Variants in SETD5 observed in about 807,000 individuals in gnomAD.
SETD5 encodes SET domain containing 5.
SETD5 carries 44 observed loss-of-function variants against 153.3 expected under a neutral mutation model. The observed-to-expected ratio is 0.29, with a 90% CI of 0.23 to 0.37. SETD5 has a LOEUF of 0.37. Among genes scored for constraint, SETD5 ranks in the 10% least tolerant of loss-of-function variants. SETD5 has a pLI of 1.00. For missense variants in SETD5, 1,544 were observed against 1,768.0 expected (o/e 0.87, Z 2.27); for synonymous variants, 716 against 645.2 (o/e 1.11, Z -1.66).
rs1489345857 is a variant in SETD5, at chr3:9,448,017, A to G, written c.2103+11A>G. The G allele has an allele frequency of 1.2e-6, 2 of 1,607,592 alleles. No homozygotes were observed. Among genetic ancestry groups the G allele is most frequent in the African/African-American group, 1.3e-5 (1 of 74,794 alleles). On this transcript the variant is annotated intron_variant, in intron 15 of 22. Coordinates refer to ENST00000402198, the MANE Select transcript of SETD5 (RefSeq NM_001080517.3). ...CCCAAAACCAAAAAGGTAAGTCACAAATGCATCCTTTATAAGTCCAGTCTG... is the reference window on the plus strand; with the variant it reads ...CCCAAAACCAAAAAGGTAAGTCACAGATGCATCCTTTATAAGTCCAGTCTG...
intron 15 of SETD5, 100 bp from the exon 16 acceptor site, chr3:9,448,279 ACTGCAGCTG>A (rs1345289076): frequency 2.7e-6 from 4 of 1,462,128 alleles, no homozygotes; most frequent in Non-Finnish European, 3.6e-6. Context: ...ATTCATTCTT[ACTGCAGCTG>A]CTGCATCTCC....
At chr3:9,451,375 A>C (rs1014937107) in intron 16 of SETD5, among the ~76,000 whole-genome samples, 1 of 152,162 alleles carries the variant, frequency 6.6e-6, no homozygotes, top group Non-Finnish European at 1.5e-5. Flanking sequence ...TATATCCAGA[A>C]GCTTTGTCTC....
intron 11 of SETD5, among the ~76,000 whole-genome samples, chr3:9,444,528 G>A (rs2041696483): frequency 6.6e-6 from 1 of 150,958 alleles, no homozygotes; most frequent in Non-Finnish European, 1.5e-5. Context: ...TGAATTTAGG[G>A]AGGGCTTTCT....
At chr3:9,417,129 A>G (rs186587792) in intron 1 of SETD5, among the ~76,000 whole-genome samples, 5 of 152,318 alleles carry the variant, frequency 3.3e-5, no homozygotes, top group Admixed American at 3.3e-4. Context: ...ATAGTAACCA[A>G]AGTTATGCTC....
chr3:9,457,846 C>T (rs1360710826), intron 17 of SETD5, among the ~76,000 whole-genome samples: 1 of 147,454 alleles, frequency 6.8e-6, no homozygotes, highest in Non-Finnish European at 1.5e-5. Context: ...CTCTTTCTCT[C>T]TGTCTTTATA....
Position 9,475,523 on chromosome 3 carries a change from T to G in SETD5, c.3761T>G (p.Leu1254Arg). The G allele has an allele frequency of 6.2e-7, 1 of 1,613,756 alleles. No homozygotes were observed. The highest frequency in any genetic ancestry group is 1.1e-5 in the South Asian group (1 of 91,086). The part of the protein sequence containing the change: ...CDSPRTESQS[L>R]LQQSSSPFRG... ...AGTCCTCGGACAGAATCACAAAGCCTCCTTCAGCAGAGTTCCTCCCCCTTC... is the reference window on the plus strand; with the variant it reads ...AGTCCTCGGACAGAATCACAAAGCCGCCTTCAGCAGAGTTCCTCCCCCTTC... Residue 1254 changes from leucine (L) to arginine (R), a missense_variant, in exon 23 of 23, where the codon CTC (leucine) becomes CGC (arginine). Around this residue, in one of 9 missense-constraint regions of SETD5, gnomAD observed 302 missense variants for 277.6 expected, o/e 1.09. Transcript: ENST00000402198.
chr3:9,409,792 C>G (rs1042302017), intron 1 of SETD5, among the ~76,000 whole-genome samples: 2 of 152,188 alleles, frequency 1.3e-5, no homozygotes, highest in African/African-American at 4.8e-5. Flanking sequence ...TTAAAAGCTG[C>G]ATTTCAAACT....
chr3:9,440,332 C>G, intron 7 of SETD5, 124 bp from the exon 8 acceptor site: 5 of 634,348 alleles, frequency 7.9e-6, no homozygotes, highest in South Asian at 7.7e-5. Flanking sequence ...GTCCATTACT[C>G]TTTTATGCCA....
In SETD5 at chr3:9,442,210, C is replaced by T. The variant is rs1553621798; in HGVS notation, c.1042C>T (p.Arg348Trp). The change falls in exon 10 of 23, where the codon CGG becomes TGG. Residue 348 changes from arginine to tryptophan, a missense_variant. Coordinates refer to ENST00000402198, the MANE Select transcript of SETD5 (RefSeq NM_001080517.3). ...TGCCCGTACTTTCGGTAATGATGCT[C>T]GGTTCATCAGAAGATCATGTACACC... Reference protein sequence around the residue: ...VDARTFGNDARFIRRSCTPNA... With the variant: ...VDARTFGNDAWFIRRSCTPNA... The T allele has an allele frequency of 6.2e-7, 1 of 1,612,936 alleles. No individual in the cohort carries two copies. The highest frequency in any genetic ancestry group is 8.5e-7 in the Non-Finnish European group (1 of 1,179,690).
intron 1 of SETD5, among the ~76,000 whole-genome samples, chr3:9,402,981 G>A (rs892291512): frequency 6.6e-6 from 1 of 152,118 alleles, no homozygotes; most frequent in Non-Finnish European, 1.5e-5. Flanking sequence ...GCCTCCAGTA[G>A]GCCTGTCAAT....
chr3:9,426,348 C>T (rs1378383169), intron 2 of SETD5, among the ~76,000 whole-genome samples: 1 of 149,744 alleles, frequency 6.7e-6, no homozygotes, highest in Non-Finnish European at 1.5e-5. Context: ...AATCCTCCCA[C>T]CTCAGCCTCT....
At chr3:9,448,038 G>T (rs758318233) in intron 15 of SETD5, 32 bp downstream of exon 15, 20 of 1,586,468 alleles carry the variant, frequency 1.3e-5, no homozygotes, top group Non-Finnish European at 1.6e-5. Context: ...TATAAGTCCA[G>T]TCTGGCAAGG....
chr3:9,456,974 CAAAAA>C (rs2043328119), intron 17 of SETD5, among the ~76,000 whole-genome samples: 3 of 147,024 alleles, frequency 2.0e-5, no homozygotes, highest in African/African-American at 7.6e-5. Context: ...GACTCCGTCT[CAAAAA>C]GAAAGAAAGA....
At chr3:9,443,847 C>T (rs1334032730) in intron 11 of SETD5, among the ~76,000 whole-genome samples, 3 of 152,134 alleles carry the variant, frequency 2.0e-5, no homozygotes, top group South Asian at 2.1e-4. Flanking sequence ...GGGCGGATCA[C>T]GAGGTCAGGA....
At chr3:9,431,826 C>T in intron 3 of SETD5, 1 of 631,698 alleles carries the variant, frequency 1.6e-6, no homozygotes. Context: ...TTTTCCTGTC[C>T]CCCTCCCACC....
intron 17 of SETD5, among the ~76,000 whole-genome samples, chr3:9,454,939 A>G (rs984731491): frequency 5.3e-5 from 8 of 152,114 alleles, no homozygotes; most frequent in African/African-American, 1.4e-4. Flanking sequence ...GCAACCTTTC[A>G]GGTTGCAACA....
intron 1 of SETD5, chr3:9,398,517 A>T (rs1419028278): frequency 2.0e-5 from 3 of 151,962 alleles, no homozygotes; most frequent in Non-Finnish European, 2.9e-5. Flanking sequence ...TCCCAAAGGC[A>T]TTACCTTCGC....
At chr3:9,411,671 C>G (rs889096857) in intron 1 of SETD5, among the ~76,000 whole-genome samples, 2 of 152,206 alleles carry the variant, frequency 1.3e-5, no homozygotes, top group African/African-American at 4.8e-5. Flanking sequence ...GTTAAAGGAA[C>G]AGTGGCTGGT....
At chr3:9,425,103 C>A (rs1020058773) in intron 2 of SETD5, among the ~76,000 whole-genome samples, 4 of 101,090 alleles carry the variant, frequency 4.0e-5, no homozygotes, top group Non-Finnish European at 7.4e-5. Context: ...TTCTTGTTGT[C>A]CATGTTGAAG....
Sources: allele counts gnomAD v4.1 joint callset (sites outside exome capture counted in the v4.1 genomes callset), GRCh38; gene constraint gnomAD v4.1.1; regional missense constraint gnomAD v4.1.1; transcripts MANE v1.5; gene names NCBI Gene and HGNC (gene_info 2026-07-23, HGNC 2026-07-21).